CDH13: variants seen among roughly 807,000 people sequenced by gnomAD.
The protein encoded by CDH13 is cadherin-13.
Under a neutral mutation model 63.8 loss-of-function variants are expected in CDH13, and 24 were observed. The ratio of observed to expected loss-of-function variants is 0.38; its 90% CI spans 0.27 to 0.53. The LOEUF (loss-of-function observed/expected upper bound fraction) is 0.53. Among genes scored for constraint, CDH13 ranks in the 20% least tolerant of loss-of-function variants. The pLI, the probability that CDH13 is intolerant of heterozygous loss-of-function variation, is 0.85. For synonymous variants in CDH13, 503 were observed against 355.3 expected, an observed-to-expected ratio of 1.42 and a Z score of -4.67; for missense variants, 1,049 against 903.1, an observed-to-expected ratio of 1.16 and a Z score of -2.07.
intron 3 of CDH13, among the ~76,000 whole-genome samples, chr16:83,101,026 G>C (rs1465915767): frequency 2.0e-5 from 3 of 151,946 alleles, no homozygotes; most frequent in African/African-American, 7.3e-5. Flanking sequence ...TCAGTTCATG[G>C]TAAAGGACAA....
chr16:83,083,314 A>C (rs1016043003), intron 3 of CDH13, among the ~76,000 whole-genome samples: 1 of 152,222 alleles, frequency 6.6e-6, no homozygotes, highest in Non-Finnish European at 1.5e-5. Context: ...GACAATTTAC[A>C]TAACTCTATA....
At chr16:82,716,794 C>A (rs1296538839) in intron 1 of CDH13, among the ~76,000 whole-genome samples, 1 of 151,556 alleles carries the variant, frequency 6.6e-6, no homozygotes, top group East Asian at 1.9e-4. Context: ...CCAGACTTCA[C>A]CCACCAAAAA....
chr16:82,705,077 A>C (rs548300732), intron 1 of CDH13: 1 of 454,968 alleles, frequency 2.2e-6, no homozygotes, highest in East Asian at 7.0e-5. Context: ...AGTGAGGCCT[A>C]CCATATACCT....
intron 2 of CDH13, among the ~76,000 whole-genome samples, chr16:82,869,712 A>C (rs1278257164): frequency 1.3e-5 from 2 of 152,202 alleles, no homozygotes; most frequent in Non-Finnish European, 2.9e-5. Context: ...CAAAGGTGCC[A>C]AGAACATACC....
rs892321872 is a variant in CDH13, at chr16:83,086,858, C to CA, written c.367-38520dup. On this transcript the variant is annotated intron_variant, in intron 3 of 13. Coordinates refer to ENST00000567109, the MANE Select transcript of CDH13 (RefSeq NM_001257.5). ...ATATTGCTGGCATCATGAAAAACCA[C>CA]AAAAAAATCCTATGAAGAATTAGAC... Among the ~76,000 whole-genome samples the CA allele has an allele frequency of 3.1e-4, 47 of 151,942 alleles. 1 individual carries two copies. The highest frequency in any genetic ancestry group is 1.0e-3 in the African/African-American group (42 of 41,428).
At chr16:82,736,554 T>C (rs1342428101) in intron 1 of CDH13, among the ~76,000 whole-genome samples, 1 of 152,180 alleles carries the variant, frequency 6.6e-6, no homozygotes, top group Admixed American at 6.5e-5. Flanking sequence ...CCCATTCCAA[T>C]GCCTGGTACA....
At chr16:83,662,770 T>G (rs1337435331) in intron 8 of CDH13, among the ~76,000 whole-genome samples, 1 of 152,174 alleles carries the variant, frequency 6.6e-6, no homozygotes, top group Admixed American at 6.5e-5. Flanking sequence ...TCAGAGTTGT[T>G]TTCCCCAGGG....
chr16:82,966,681 C>A (rs765115679), intron 2 of CDH13, among the ~76,000 whole-genome samples: 1 of 152,012 alleles, frequency 6.6e-6, no homozygotes, highest in Non-Finnish European at 1.5e-5. Flanking sequence ...GTAGGTAATT[C>A]CTTTATATTT....
At chr16:83,484,746 T>C (rs536084204) in intron 6 of CDH13, among the ~76,000 whole-genome samples, 32 of 152,312 alleles carry the variant, frequency 2.1e-4, no homozygotes, top group African/African-American at 7.7e-4. Flanking sequence ...ACTGTACCTG[T>C]AAAACATGTG....
intron 7 of CDH13, among the ~76,000 whole-genome samples, chr16:83,517,259 A>G (rs1227350630): frequency 6.6e-6 from 1 of 152,234 alleles, no homozygotes; most frequent in East Asian, 1.9e-4. Context: ...TCATAAAGAG[A>G]TTATCAATCT....
chr16:83,544,777 G>A (rs929751442), intron 7 of CDH13, among the ~76,000 whole-genome samples: 2 of 152,146 alleles, frequency 1.3e-5, no homozygotes, highest in East Asian at 1.9e-4. Flanking sequence ...AACCCTCACC[G>A]TCTTTGTTTC....
chr16:83,719,737 A>G (rs1453294654), intron 10 of CDH13, among the ~76,000 whole-genome samples: 1 of 152,126 alleles, frequency 6.6e-6, no homozygotes, highest in Non-Finnish European at 1.5e-5. Context: ...GTCCTCAGAT[A>G]CCATTATACC....
At chr16:82,866,858 C>T (rs936880055) in intron 2 of CDH13, among the ~76,000 whole-genome samples, 2 of 152,138 alleles carry the variant, frequency 1.3e-5, no homozygotes, top group African/African-American at 2.4e-5. Flanking sequence ...ATCACGAGAG[C>T]AGCATAGAGG....
At chr16:83,140,094 A>G (rs1319918829) in intron 4 of CDH13, among the ~76,000 whole-genome samples, 1 of 152,252 alleles carries the variant, frequency 6.6e-6, no homozygotes, top group East Asian at 1.9e-4. Flanking sequence ...GTGCGTATAC[A>G]TTCATAAAGA....
intron 1 of CDH13, among the ~76,000 whole-genome samples, chr16:82,768,803 G>A (rs1253508650): frequency 1.3e-5 from 2 of 152,154 alleles, no homozygotes; most frequent in Non-Finnish European, 2.9e-5. Context: ...ACCATCCTCG[G>A]TTAATACTTA....
At chr16:83,247,829 A>G (rs1327756485) in intron 5 of CDH13, among the ~76,000 whole-genome samples, 2 of 152,238 alleles carry the variant, frequency 1.3e-5, no homozygotes, top group Admixed American at 1.3e-4. Context: ...TCCCCTGGAT[A>G]TCATCTAGTG....
chr16:83,781,863 A>G (rs1272575312), intron 12 of CDH13, among the ~76,000 whole-genome samples: 2 of 151,908 alleles, frequency 1.3e-5, no homozygotes, highest in African/African-American at 4.8e-5. Context: ...GCAGCAAATC[A>G]CCATGGCACA....
At chr16:83,361,822 ACC>A (rs1437838510) in intron 6 of CDH13, among the ~76,000 whole-genome samples, 2 of 152,038 alleles carry the variant, frequency 1.3e-5, no homozygotes, top group East Asian at 3.9e-4. Context: ...TGTTTTAGTT[ACC>A]GTATGCTTAC....
intron 5 of CDH13, among the ~76,000 whole-genome samples, chr16:83,337,666 T>C (rs1391997342): frequency 7.4e-6 from 1 of 135,796 alleles, no homozygotes; most frequent in Admixed American, 8.6e-5. Flanking sequence ...TCAGAAAGTG[T>C]GTAGTGTCAT....
Sources: allele counts gnomAD v4.1 joint callset (sites outside exome capture counted in the v4.1 genomes callset), GRCh38; gene constraint gnomAD v4.1.1; transcripts MANE v1.5; gene names NCBI Gene and HGNC (gene_info 2026-07-23, HGNC 2026-07-21).